Variants in NBEA observed in about 807,000 individuals in gnomAD.
The protein encoded by NBEA is neurobeachin.
In NBEA, 44 loss-of-function variants were observed where a neutral mutation model predicts 343.4. The ratio of observed to expected loss-of-function variants is 0.13; its 90% CI spans 0.10 to 0.16. The LOEUF (loss-of-function observed/expected upper bound fraction) is 0.16, where lower values mean the gene tolerates loss of function less well. Ranked by LOEUF, NBEA falls within the 10% of genes least tolerant of loss-of-function variation. The pLI is 1.00. For synonymous variants in NBEA, 1,175 were observed against 1,238.7 expected (o/e 0.95, Z 1.08); for missense variants, 2,555 against 3,631.3 (o/e 0.70, Z 7.62).
At chr13:35,412,101 T>A (rs2043622881) in intron 38 of NBEA, among the ~76,000 whole-genome samples, 1 of 152,122 alleles carries the variant, frequency 6.6e-6, no homozygotes, top group South Asian at 2.1e-4. Context: ...GTGCAAAAAA[T>A]TTGAAATCCA....
chr13:35,517,361 G>A (rs1306857589), intron 41 of NBEA, among the ~76,000 whole-genome samples: 1 of 152,112 alleles, frequency 6.6e-6, no homozygotes. Context: ...CTCTAGTCTT[G>A]TCTTCCTTCT....
chr13:34,961,323 G>T (rs2059654505), intron 1 of NBEA, among the ~76,000 whole-genome samples: 1 of 151,898 alleles, frequency 6.6e-6, no homozygotes, highest in South Asian at 2.1e-4. Context: ...TTATTATCAG[G>T]ATATGATCAG....
intron 43 of NBEA, among the ~76,000 whole-genome samples, chr13:35,553,989 A>G (rs1004442846): frequency 2.6e-5 from 4 of 152,208 alleles, no homozygotes; most frequent in Non-Finnish European, 4.4e-5. Context: ...AGTGTGGAAC[A>G]GGAAATGAGT....
intron 58 of NBEA, 67 bp from the exon 59 acceptor site, chr13:35,670,834 C>G: frequency 9.5e-7 from 1 of 1,057,336 alleles, no homozygotes; most frequent in Non-Finnish European, 1.4e-6. Flanking sequence ...GAGATACTGT[C>G]TAGTGTAAAA....
chr13:35,643,557 CT>C (rs2084072433), intron 49 of NBEA, among the ~76,000 whole-genome samples: 1 of 152,224 alleles, frequency 6.6e-6, no homozygotes, highest in Admixed American at 6.5e-5. Flanking sequence ...TTTAGAATCT[CT>C]GTTAAGACTA....
chr13:35,261,063 C>T (rs1188771602), intron 34 of NBEA, among the ~76,000 whole-genome samples: 1 of 152,094 alleles, frequency 6.6e-6, no homozygotes, highest in East Asian at 1.9e-4. Flanking sequence ...TCATAATACC[C>T]AGCATCCAAA....
At chr13:35,533,286 TTTATCTA>T (rs1431510900) in intron 41 of NBEA, among the ~76,000 whole-genome samples, 4 of 152,168 alleles carry the variant, frequency 2.6e-5, no homozygotes, top group Non-Finnish European at 4.4e-5. Flanking sequence ...TTTTCTGTGA[TTTATCTA>T]TTTGAGCTTT....
At chr13:35,000,008 T>C (rs2061073148) in intron 1 of NBEA, among the ~76,000 whole-genome samples, 1 of 152,188 alleles carries the variant, frequency 6.6e-6, no homozygotes. Flanking sequence ...TATATGTATT[T>C]AGATTATCAA....
At chr13:35,380,222 A>T (rs2041942154) in intron 38 of NBEA, among the ~76,000 whole-genome samples, 1 of 66,950 alleles carries the variant, frequency 1.5e-5, no homozygotes, top group African/African-American at 3.2e-5. Flanking sequence ...AGGCAGGTGA[A>T]TCACCTGAGG....
chr13:35,206,179 A>G (rs2073383928), intron 31 of NBEA, among the ~76,000 whole-genome samples: 1 of 152,090 alleles, frequency 6.6e-6, no homozygotes, highest in African/African-American at 2.4e-5. Flanking sequence ...TCTCGGTCTC[A>G]TAACTTATTT....
intron 30 of NBEA, among the ~76,000 whole-genome samples, chr13:35,190,918 C>T (rs1432239549): frequency 1.3e-5 from 2 of 151,932 alleles, no homozygotes; most frequent in Non-Finnish European, 2.9e-5. Flanking sequence ...GATATCTCAC[C>T]AAAAGGAGGA....
At chr13:34,986,134 C>T (rs769623002) in intron 1 of NBEA, among the ~76,000 whole-genome samples, 5 of 150,482 alleles carry the variant, frequency 3.3e-5, no homozygotes, top group African/African-American at 4.9e-5. Flanking sequence ...GTTAGGGTGT[C>T]GATTTTAGAT....
chr13:35,337,066 T>C (rs530396907), intron 36 of NBEA, among the ~76,000 whole-genome samples: 1 of 152,046 alleles, frequency 6.6e-6, no homozygotes, highest in Non-Finnish European at 1.5e-5. Context: ...CTAAAAAATA[T>C]TTAGTTAGTA....
chr13:35,647,708 A>T (rs975844060), intron 51 of NBEA, among the ~76,000 whole-genome samples: 12 of 152,040 alleles, frequency 7.9e-5, no homozygotes, highest in African/African-American at 2.4e-4. Flanking sequence ...CCGGGATTAC[A>T]GGTGTGCGCC....
intron 11 of NBEA, among the ~76,000 whole-genome samples, chr13:35,108,121 A>G (rs2066009702): frequency 6.6e-6 from 1 of 152,060 alleles, no homozygotes. Flanking sequence ...TCCCTTTTAA[A>G]CTTAGATTGT....
At chr13:35,650,717 A>G (rs940251552) in intron 52 of NBEA, among the ~76,000 whole-genome samples, 1 of 152,070 alleles carries the variant, frequency 6.6e-6, no homozygotes, top group Non-Finnish European at 1.5e-5. Flanking sequence ...AAACAAACCA[A>G]CAAATCAAAA....
intron 44 of NBEA, among the ~76,000 whole-genome samples, chr13:35,565,057 C>A (rs775772816): frequency 1.3e-5 from 2 of 152,156 alleles, no homozygotes; most frequent in African/African-American, 4.8e-5. Flanking sequence ...CAATGTATAT[C>A]AGGTGTAATA....
At chr13:35,617,615 A>G (rs562458037) in intron 48 of NBEA, among the ~76,000 whole-genome samples, 1 of 152,322 alleles carries the variant, frequency 6.6e-6, no homozygotes, top group Non-Finnish European at 1.5e-5. Context: ...ACGCTACGCA[A>G]AGACATCTCG....
At chr13:35,612,156 A>G (rs2769336) in intron 48 of NBEA, among the ~76,000 whole-genome samples, 140,205 of 150,860 alleles carry the variant, frequency 0.93, 65,357 homozygotes, top group East Asian at 1. Flanking sequence ...TTTTTGAGAC[A>G]GAGTCTCGCT....
Sources: gnomAD v4.1 joint callset for allele counts (sites outside exome capture counted in the v4.1 genomes callset) on GRCh38, gnomAD v4.1.1 for gene constraint, MANE v1.5 for transcripts, NCBI Gene and HGNC (gene_info 2026-07-23, HGNC 2026-07-21) for gene names.